Variants in RBM45 observed in about 807,000 individuals in gnomAD.
RBM45 encodes the protein RNA binding motif protein 45, also known as RNA-binding protein 45.
Under a neutral mutation model 58.5 loss-of-function variants are expected in RBM45, and 39 were observed. The observed-to-expected ratio is 0.67, with a 90% CI of 0.52 to 0.87. The LOEUF is 0.87. Among genes scored for constraint, RBM45 ranks in the 40% least tolerant of loss-of-function variants. RBM45 has a pLI of 0.00. For synonymous variants in RBM45, 193 were observed against 203.0 expected (o/e 0.95, Z 0.42); for missense variants, 481 against 581.6 (o/e 0.83, Z 1.78).
exon 4 of RBM45, chr2:178,136,847 A>C (rs1479175113): frequency 6.6e-6 from 1 of 152,212 alleles, no homozygotes; most frequent in Non-Finnish European, 1.5e-5. Flanking sequence ...TACTTAAGTA[A>C]GCTGTGGAAG....
intron 3 of RBM45, among the ~76,000 whole-genome samples, chr2:178,134,690 T>C (rs1330397712): frequency 6.6e-6 from 1 of 152,174 alleles, no homozygotes; most frequent in Non-Finnish European, 1.5e-5. Flanking sequence ...TTTTCTCTCT[T>C]TGTCAACAAA....
downstream of RBM45, chr2:178,129,763 A>G (rs569529165): frequency 6.6e-6 from 1 of 152,638 alleles, no homozygotes; most frequent in Non-Finnish European, 1.5e-5. Flanking sequence ...CATCTTTCAC[A>G]TTTTAACACC....
intron 8 of RBM45, 53 bp downstream of exon 8, chr2:178,124,343 T>G: frequency 5.9e-6 from 7 of 1,189,392 alleles, no homozygotes; most frequent in Non-Finnish European, 7.0e-6. Flanking sequence ...AATTTAATTA[T>G]TCTTATAATC....
downstream of RBM45, among the ~76,000 whole-genome samples, chr2:178,132,667 C>T (rs527994673): frequency 1.3e-4 from 20 of 152,172 alleles, no homozygotes; most frequent in Non-Finnish European, 2.2e-4. Flanking sequence ...CTCAGCTCAC[C>T]GCAACCTCCA....
Position 178,123,607 on chromosome 2 carries a change from C to T in RBM45, c.939C>T (p.Asn313=), listed in dbSNP as rs746619650. 2 of 1,609,840 alleles carry T rather than the reference C, an allele frequency of 1.2e-6. No homozygotes were observed. The highest frequency in any genetic ancestry group is 4.5e-5 in the East Asian group (2 of 44,828). The change falls in exon 6 of 10, where the codon AAC becomes AAT. Residue 313 remains asparagine (N), a synonymous_variant. Coordinates refer to ENST00000286070, the MANE Select transcript of RBM45 (RefSeq NM_152945.4). The part of the protein sequence containing the change: ...KLHGFQYPPG[N]RIGVSFIDDG... ...ATGGATTTCAGTACCCTCCTGGGAA[C>T]CGAATAGGTGTTTCCTTCATTGATG...
intron 2 of RBM45, among the ~76,000 whole-genome samples, 169 bp from the exon 3 acceptor site, chr2:178,117,886 T>C (rs1439849583): frequency 6.6e-6 from 1 of 151,568 alleles, no homozygotes; most frequent in East Asian, 1.9e-4. Context: ...AGCTTCCTTA[T>C]CTATGAAATA....
At position 178,126,059 on chromosome 2, in the gene RBM45, A is replaced by G; in HGVS notation, c.1308A>G (p.Ile436Met). 13 of 1,613,698 alleles carry G rather than the reference A, an allele frequency of 8.1e-6. No homozygotes were observed. Among genetic ancestry groups the G allele is most frequent in the Non-Finnish European group, 1.1e-5 (13 of 1,179,606 alleles). ...GGTATGCCAAGTATGCCGATAGAAT[A>G]AGTGCTAATGATGCCATTGCCACTC... Reference protein sequence around the residue: ...NVGYAKYADRISANDAIATLH... With the variant: ...NVGYAKYADRMSANDAIATLH... The change falls in exon 9 of 10, where the codon ATA becomes ATG. Residue 436 changes from isoleucine (I) to methionine (M), a missense_variant. By Grantham distance (10) the Ile-to-Met change is conservative. Coordinates refer to ENST00000286070, the MANE Select transcript of RBM45 (RefSeq NM_152945.4).
At chr2:178,127,006 G>T in intron 9 of RBM45, among the ~76,000 whole-genome samples, 1 of 151,828 alleles carries the variant, frequency 6.6e-6, no homozygotes, top group East Asian at 1.9e-4. Context: ...GCGAGATCTC[G>T]ATTCACTGCA....
chr2:178,132,580 T>TTTTGTTTG (rs138416648), downstream of RBM45, among the ~76,000 whole-genome samples: 151 of 151,782 alleles, frequency 9.9e-4, no homozygotes, highest in Non-Finnish European at 1.1e-3. Flanking sequence ...TGCGGTTCTT[T>TTTTGTTTG]TTTGTTTGTT....
At chr2:178,127,227 G>A (rs907462277) in intron 9 of RBM45, among the ~76,000 whole-genome samples, 56 of 152,268 alleles carry the variant, frequency 3.7e-4, no homozygotes, top group African/African-American at 1.0e-3. Flanking sequence ...CTGGCCTAAA[G>A]TTTGGCGGTT....
chr2:178,127,624 C>T (rs2153906283), intron 9 of RBM45, among the ~76,000 whole-genome samples: 1 of 152,230 alleles, frequency 6.6e-6, no homozygotes, highest in East Asian at 1.9e-4. Context: ...TTGTACCATA[C>T]ATTGTTAGCA....
At chr2:178,127,276 G>A (rs894688283) in intron 9 of RBM45, among the ~76,000 whole-genome samples, 1 of 152,202 alleles carries the variant, frequency 6.6e-6, no homozygotes, top group Non-Finnish European at 1.5e-5. Flanking sequence ...AGGGGAAGCC[G>A]TTTTCCTGTT....
chr2:178,129,737 T>C (rs2087985404), downstream of RBM45: 1 of 152,682 alleles, frequency 6.5e-6, no homozygotes, highest in African/African-American at 2.4e-5. Flanking sequence ...ACATATGTCA[T>C]TGATTTTGAG....
intron 3 of RBM45, 106 bp from the exon 4 acceptor site, chr2:178,120,181 C>A: frequency 1.4e-6 from 2 of 1,454,764 alleles, no homozygotes; most frequent in Non-Finnish European, 9.5e-7. Flanking sequence ...ATAGATTTTG[C>A]TTTGTACAAT....
intron 9 of RBM45, among the ~76,000 whole-genome samples, chr2:178,128,500 C>G (rs1170780458): frequency 2.0e-5 from 3 of 152,158 alleles, no homozygotes; most frequent in Non-Finnish European, 2.9e-5. Flanking sequence ...TGATATAAAA[C>G]TACCTTGTGG....
Position 178,135,876 on chromosome 2 carries a change from T to C in RBM45, c.*9-587T>C, listed in dbSNP as rs1384175813. On this transcript the variant is annotated intron_variant, in intron 3 of 3. Transcript: ENST00000455903. ...AAACATTAAGTAGGAAGAAAATTTA[T>C]ATCAATCATAGAAACTTAGGTTAAG... 4.6e-5 allele frequency among the ~76,000 whole-genome samples: 7 copies of C among 152,210 alleles called. No individual in the cohort carries two copies. The East Asian group carries it at 1.3e-3, about 29-fold the overall frequency.
At chr2:178,123,783 CTGAA>C in intron 6 of RBM45, 41 bp from the exon 7 acceptor site, 1 of 1,606,296 alleles carries the variant, frequency 6.2e-7, no homozygotes, top group Non-Finnish European at 8.5e-7. Context: ...TGTTAAAAGA[CTGAA>C]TATTTTTAGT....
At chr2:178,132,573 G>A (rs115113263), downstream of RBM45, among the ~76,000 whole-genome samples, 5,355 of 150,338 alleles carry the variant, frequency 0.036, 152 homozygotes, top group Middle Eastern at 0.16. Context: ...CTAAAACTGC[G>A]GTTCTTTTTT....
In RBM45 at chr2:178,121,258, T is replaced by C; in HGVS notation, c.752T>C (p.Val251Ala). The change falls in exon 5 of 10, where the codon GTA (valine) becomes GCA (alanine). Residue 251 changes from valine to alanine, a missense_variant. Coordinates refer to ENST00000286070, the MANE Select transcript of RBM45 (RefSeq NM_152945.4). ...GCAATCTCCAAACGCTTGTCAGTTG[T>C]ATCAAGAGTTCCTTTCACTGAAGAA... ...QEAISKRLSVVSRVPFTEEQL... is the reference protein window; with the variant it reads ...QEAISKRLSVASRVPFTEEQL... The C allele has an allele frequency of 6.3e-7, 1 of 1,599,052 alleles. No individual in the cohort carries two copies. The highest frequency in any genetic ancestry group is 8.5e-7 in the Non-Finnish European group (1 of 1,170,354).
Sources: gnomAD v4.1 joint callset for allele counts (sites outside exome capture counted in the v4.1 genomes callset) on GRCh38, gnomAD v4.1.1 for gene constraint, MANE v1.5 for transcripts, NCBI Gene and HGNC (gene_info 2026-07-23, HGNC 2026-07-21) for gene names.